Variants in KALRN observed in about 807,000 individuals in gnomAD.
KALRN encodes the protein kalirin RhoGEF kinase.
In KALRN, 70 loss-of-function variants were observed where a neutral mutation model predicts 353.7. That is an observed-to-expected ratio of 0.20 (90% confidence interval 0.16 to 0.24). KALRN has a LOEUF of 0.24. Among genes scored for constraint, KALRN ranks in the 10% least tolerant of loss-of-function variants. The pLI, the probability that KALRN is intolerant of heterozygous loss-of-function variation, is 1.00. For missense variants in KALRN, 2,791 were observed against 3,756.7 expected (o/e 0.74, Z 6.72); for synonymous variants, 1,391 against 1,434.8 (o/e 0.97, Z 0.69).
At chr3:124,669,257 A>G (rs1255297364) in intron 47 of KALRN, among the ~76,000 whole-genome samples, 4 of 152,234 alleles carry the variant, frequency 2.6e-5, no homozygotes, top group Non-Finnish European at 5.9e-5. Context: ...TATAGGTGCT[A>G]GTGTTAGGGC....
chr3:124,550,685 T>A (rs33926252), intron 33 of KALRN, among the ~76,000 whole-genome samples: 1 of 152,016 alleles, frequency 6.6e-6, no homozygotes, highest in Admixed American at 6.6e-5. Context: ...AGAGCCAGTC[T>A]GAATTGAAAA....
chr3:124,527,350 C>A (rs2067674704), intron 33 of KALRN, among the ~76,000 whole-genome samples: 1 of 152,148 alleles, frequency 6.6e-6, no homozygotes, highest in South Asian at 2.1e-4. Flanking sequence ...TGGCTCACAC[C>A]TGTAATCCCA....
intron 34 of KALRN, among the ~76,000 whole-genome samples, chr3:124,578,456 T>C (rs933586742): frequency 1.3e-5 from 2 of 152,188 alleles, no homozygotes; most frequent in African/African-American, 2.4e-5. Context: ...AAGGGACCGA[T>C]TGTCAGAGTT....
chr3:124,214,957 G>A (rs1219125523), intron 1 of KALRN, among the ~76,000 whole-genome samples: 1 of 152,166 alleles, frequency 6.6e-6, no homozygotes, highest in Non-Finnish European at 1.5e-5. Context: ...TCAGATGGTG[G>A]CCTCGCTATC....
chr3:124,712,672 A>G (rs1449405268), intron 57 of KALRN, among the ~76,000 whole-genome samples: 1 of 149,490 alleles, frequency 6.7e-6, no homozygotes, highest in Non-Finnish European at 1.5e-5. Flanking sequence ...AAAAAAAAAA[A>G]AGCTTTATAT....
At chr3:124,071,631 T>C (rs1386864307) in intron 1 of KALRN, among the ~76,000 whole-genome samples, 1 of 152,250 alleles carries the variant, frequency 6.6e-6, no homozygotes, top group Non-Finnish European at 1.5e-5. Flanking sequence ...ATTCAGTCTC[T>C]GCTTCCAAGA....
intron 5 of KALRN, among the ~76,000 whole-genome samples, chr3:124,274,569 A>G (rs941934547): frequency 1.3e-5 from 2 of 152,246 alleles, no homozygotes; most frequent in African/African-American, 4.8e-5. Context: ...GAGTGAACAA[A>G]GCTGGCTAAT....
chr3:124,180,194 G>C (rs1035245845), intron 1 of KALRN, among the ~76,000 whole-genome samples: 8 of 152,134 alleles, frequency 5.3e-5, no homozygotes, highest in Non-Finnish European at 1.2e-4. Flanking sequence ...GGGCTATTTT[G>C]TTTCTCACCT....
intron 1 of KALRN, among the ~76,000 whole-genome samples, chr3:124,170,583 T>C (rs2071608306): frequency 6.6e-6 from 1 of 152,128 alleles, no homozygotes; most frequent in South Asian, 2.1e-4. Flanking sequence ...GACCAACAGG[T>C]TGATATATGA....
At chr3:124,147,710 T>C (rs2067541307) in intron 1 of KALRN, among the ~76,000 whole-genome samples, 1 of 152,166 alleles carries the variant, frequency 6.6e-6, no homozygotes. Flanking sequence ...ATTCTGAGAA[T>C]CACATTTTAA....
At chr3:124,309,534 C>T (rs888448756) in intron 6 of KALRN, among the ~76,000 whole-genome samples, 1 of 152,056 alleles carries the variant, frequency 6.6e-6, no homozygotes, top group African/African-American at 2.4e-5. Context: ...TGCACTCCAG[C>T]CTGGGGACAG....
intron 4 of KALRN, 94 bp downstream of exon 4, chr3:124,264,784 A>G (rs2073306422): frequency 1.9e-6 from 2 of 1,078,178 alleles, no homozygotes; most frequent in African/African-American, 1.6e-5. Context: ...ACCATACAGT[A>G]TGTGACACCT....
intron 6 of KALRN, among the ~76,000 whole-genome samples, chr3:124,304,685 G>T (rs191495319): frequency 4.6e-5 from 7 of 152,278 alleles, no homozygotes; most frequent in Admixed American, 4.6e-4. Context: ...AATTCAATAA[G>T]AACAGTGAGC....
intron 1 of KALRN, among the ~76,000 whole-genome samples, chr3:124,172,152 G>T (rs538184605): frequency 6.6e-6 from 1 of 152,270 alleles, no homozygotes; most frequent in South Asian, 2.1e-4. Context: ...TCAACAATGG[G>T]TGATAATAAC....
intron 10 of KALRN, among the ~76,000 whole-genome samples, chr3:124,360,571 A>C (rs2083919963): frequency 1.3e-5 from 2 of 152,208 alleles, no homozygotes; most frequent in Admixed American, 6.5e-5. Flanking sequence ...GAATAAAGTT[A>C]ATGTCTCTCA....
At chr3:124,261,811 G>A (rs1005197650) in intron 3 of KALRN, among the ~76,000 whole-genome samples, 3 of 152,158 alleles carry the variant, frequency 2.0e-5, no homozygotes, top group Admixed American at 1.3e-4. Context: ...CACAGTTAAC[G>A]TTGCCGAACC....
At chr3:124,490,197 G>T (rs999741119) in intron 29 of KALRN, among the ~76,000 whole-genome samples, 4 of 152,182 alleles carry the variant, frequency 2.6e-5, no homozygotes, top group African/African-American at 9.7e-5. Flanking sequence ...GTTCAAGGCT[G>T]CAGTGACCCA....
At chr3:124,322,648 A>C (rs1468673621) in intron 6 of KALRN, among the ~76,000 whole-genome samples, 2 of 152,248 alleles carry the variant, frequency 1.3e-5, no homozygotes, top group African/African-American at 4.8e-5. Flanking sequence ...GAAGAACCAC[A>C]CAAATGGATT....
At chr3:124,699,803 T>C (rs2150666099) in intron 55 of KALRN, 66 bp from the exon 56 acceptor site, 2 of 1,479,566 alleles carry the variant, frequency 1.4e-6, no homozygotes, top group Non-Finnish European at 1.9e-6. Flanking sequence ...CTTTGTTTGC[T>C]GAAGGTCTTT....
Sources: allele counts gnomAD v4.1 joint callset (sites outside exome capture counted in the v4.1 genomes callset), GRCh38; gene constraint gnomAD v4.1.1; transcripts MANE v1.5; gene names NCBI Gene and HGNC (gene_info 2026-07-23, HGNC 2026-07-21).